The following AKAP10 variants were observed in gnomAD, a reference collection of about 807,000 sequenced individuals.
AKAP10 encodes the protein A-kinase anchoring protein 10, also known as A-kinase anchor protein 10, mitochondrial.
AKAP10 carries 24 observed loss-of-function variants against 80.8 expected under a neutral mutation model. The ratio of observed to expected loss-of-function variants is 0.30; its 90% CI spans 0.22 to 0.42. The LOEUF is 0.42. Ranked by LOEUF, AKAP10 falls within the 10% of genes least tolerant of loss-of-function variation. AKAP10 has a pLI of 1.00. For synonymous variants in AKAP10, 291 were observed against 277.7 expected (o/e 1.05, Z -0.48); for missense variants, 661 against 794.9 (o/e 0.83, Z 2.03).
At chr17:19,926,429 C>T (rs569017105) in intron 10 of AKAP10, among the ~76,000 whole-genome samples, 60 of 152,152 alleles carry the variant, frequency 3.9e-4, no homozygotes, top group African/African-American at 1.4e-3. Flanking sequence ...AAGATTTTTG[C>T]TTCTGCCACT....
intron 1 of AKAP10, among the ~76,000 whole-genome samples, chr17:19,976,347 G>A (rs554570650): frequency 5.9e-5 from 9 of 152,034 alleles, no homozygotes; most frequent in South Asian, 4.2e-4. Flanking sequence ...GCCGGGCATG[G>A]TGGGGCATGG....
chr17:19,926,820 G>A (rs1016324797), intron 10 of AKAP10, among the ~76,000 whole-genome samples: 3 of 152,182 alleles, frequency 2.0e-5, no homozygotes, highest in Admixed American at 6.5e-5. Context: ...AGACAATACT[G>A]TTAAGAAGGC....
chr17:19,950,942 G>C (rs1463599797), intron 4 of AKAP10, among the ~76,000 whole-genome samples: 3 of 150,992 alleles, frequency 2.0e-5, no homozygotes, highest in Non-Finnish European at 4.4e-5. Flanking sequence ...GATGGGAGGA[G>C]CGCCTCTGCC....
In AKAP10 at chr17:19,962,954, T is replaced by A; in HGVS notation, c.205A>T (p.Ser69Cys). 6.2e-7 allele frequency: 1 copy of A among 1,614,010 alleles called. No homozygotes were observed. The highest frequency in any genetic ancestry group is 1.1e-5 in the South Asian group (1 of 91,084). Reference protein sequence around the residue: ...NHALLEAAGPSHVAINAISAN... With the variant: ...NHALLEAAGPCHVAINAISAN... ...GAAATGGCATTGATTGCAACATGAC[T>A]TGGTCCTGCAGCCTCCAGCAAGGCA... The change falls in exon 3 of 15, where the codon AGT (serine) becomes TGT (cysteine). Residue 69 changes from serine to cysteine, a missense_variant. Transcript: ENST00000225737.
chr17:19,909,341 C>A, intron 13 of AKAP10, 65 bp from the exon 14 acceptor site: 1 of 1,368,216 alleles, frequency 7.3e-7, no homozygotes, highest in Non-Finnish European at 1.0e-6. Flanking sequence ...TGCACATACT[C>A]AGTGCTCTTA....
rs113388174 is a variant in AKAP10, at chr17:19,961,025, TAAACAAAC to T, written c.319+1807_319+1814del. Reference sequence around the variant, plus strand: ...CTGTGAGACTCCGTCTACAAATAAATAAACAAACAAACAAACAAACAAACAAACTGCCT... The same window carrying T: ...CTGTGAGACTCCGTCTACAAATAAATAAACAAACAAACAAACAAACTGCCT... On this transcript the variant is annotated intron_variant, in intron 3 of 14. Transcript: ENST00000225737. Among the ~76,000 whole-genome samples, 250 of 146,568 alleles carry T rather than the reference TAAACAAAC, an allele frequency of 1.7e-3. 1 individual carries two copies. Among genetic ancestry groups the T allele is most frequent in the Admixed American group, 4.1e-3 (60 of 14,700 alleles).
chr17:19,958,468 T>C lies in AKAP10; in HGVS notation c.423A>G (p.Gln141=), dbSNP rs201986290. ...GCTCCATTCGCCGAAGTTCCATGAA[T>C]TGAATGAAGTAAGGGAGGACAATAG... is the stretch of plus-strand genomic sequence containing the variant. The part of the protein sequence containing the change: ...HDTIVLPYFI[Q]FMELRRMEHL... Residue 141 remains glutamine, a synonymous_variant, in exon 4 of 15, where the codon CAA becomes CAG. Transcript: ENST00000225737. 3.1e-6 allele frequency: 5 copies of C among 1,614,092 alleles called. No homozygotes were observed. Among genetic ancestry groups the C allele is most frequent in the Non-Finnish European group, 4.2e-6 (5 of 1,180,036 alleles).
chr17:19,910,957 T>C (rs1328509399), intron 12 of AKAP10, among the ~76,000 whole-genome samples: 2 of 152,232 alleles, frequency 1.3e-5, no homozygotes, highest in African/African-American at 2.4e-5. Context: ...TACTTTTTTA[T>C]TTAATAATTT....
chr17:19,974,191 CA>C (rs891943960), intron 1 of AKAP10, among the ~76,000 whole-genome samples: 33 of 150,856 alleles, frequency 2.2e-4, no homozygotes, highest in South Asian at 1.7e-3. Flanking sequence ...AACTCCATCT[CA>C]AAAAAAAGAA....
intron 4 of AKAP10, among the ~76,000 whole-genome samples, chr17:19,953,597 A>T (rs2043239308): frequency 6.6e-6 from 1 of 152,194 alleles, no homozygotes; most frequent in Admixed American, 6.5e-5. Flanking sequence ...CACGCTCATA[A>T]ATTTGACAAT....
rs576259031 is a variant in AKAP10, at chr17:19,913,140, C to T, written c.1835-3162G>A. ...TTACAGGTACTCGTACCCGCCACCACGCCTGGCTAATTGTTTTTTTTTTTT... is the reference window on the plus strand; with the variant it reads ...TTACAGGTACTCGTACCCGCCACCATGCCTGGCTAATTGTTTTTTTTTTTT... On this transcript the variant is annotated intron_variant, in intron 12 of 14. Transcript: ENST00000225737. Among the ~76,000 whole-genome samples the T allele has an allele frequency of 1.3e-3, 193 of 148,782 alleles. 1 individual carries two copies. The highest frequency in any genetic ancestry group is 4.2e-3 in the African/African-American group (168 of 40,064).
chr17:19,937,361 G>C (rs1461228029), intron 8 of AKAP10, among the ~76,000 whole-genome samples: 2 of 152,064 alleles, frequency 1.3e-5, no homozygotes, highest in Non-Finnish European at 2.9e-5. Flanking sequence ...AATTAGCTGG[G>C]CGTGGTGGCC....
At chr17:19,925,143 G>A (rs1177335439) in intron 10 of AKAP10, among the ~76,000 whole-genome samples, 4 of 152,020 alleles carry the variant, frequency 2.6e-5, no homozygotes, top group Admixed American at 6.6e-5. Flanking sequence ...TGGCCTGGGC[G>A]ACAGAGGAAG....
Position 19,941,076 on chromosome 17 carries a change from T to C in AKAP10, c.1062-66A>G, listed in dbSNP as rs186308697. The stretch of plus-strand genomic sequence containing the variant: ...GGAAAGAGTTTAAGTGGGAAAAATA[T>C]ACTCTTTCCATACTGTCCCTATTGT... On this transcript the variant is annotated intron_variant, in intron 6 of 14. Transcript: ENST00000225737. 1.6e-5 allele frequency: 25 copies of C among 1,520,086 alleles called. No homozygotes were observed. The Admixed American group carries it at 1.7e-4, about 10-fold the overall frequency. 94.2% of individuals were successfully genotyped at this position (1,520,086 alleles called of 1,614,324 possible).
chr17:19,949,971 C>T (rs1394546057), intron 4 of AKAP10, among the ~76,000 whole-genome samples: 1 of 151,760 alleles, frequency 6.6e-6, no homozygotes, highest in Non-Finnish European at 1.5e-5. Context: ...CACTAAAAAG[C>T]CTACATAAAA....
intron 12 of AKAP10, among the ~76,000 whole-genome samples, chr17:19,917,515 G>A (rs1454719110): frequency 6.6e-6 from 1 of 152,112 alleles, no homozygotes; most frequent in Non-Finnish European, 1.5e-5. Flanking sequence ...CATTACCTAG[G>A]TGGAAGTGCA....
At chr17:19,947,331 TAGTC>T (rs771677346) in intron 5 of AKAP10, 72 bp downstream of exon 5, 134 of 1,123,630 alleles carry the variant, frequency 1.2e-4, no homozygotes, top group Non-Finnish European at 1.7e-4. Flanking sequence ...AAAATTATCT[TAGTC>T]AATAACGAAA....
At chr17:19,938,237 A>ATTTTTTTTT (rs71157845) in intron 8 of AKAP10, among the ~76,000 whole-genome samples, 3 of 136,106 alleles carry the variant, frequency 2.2e-5, no homozygotes, top group African/African-American at 8.3e-5. Context: ...CTGAAAACCT[A>ATTTTTTTTT]TTTTTTTTTT....
intron 1 of AKAP10, among the ~76,000 whole-genome samples, chr17:19,968,750 G>A (rs962161705): frequency 2.6e-5 from 4 of 152,054 alleles, no homozygotes; most frequent in African/African-American, 9.7e-5. Context: ...TGTGATCTTG[G>A]ACAAGTTACT....
Sources: gnomAD v4.1 joint callset for allele counts (sites outside exome capture counted in the v4.1 genomes callset) on GRCh38, gnomAD v4.1.1 for gene constraint, MANE v1.5 for transcripts, NCBI Gene and HGNC (gene_info 2026-07-23, HGNC 2026-07-21) for gene names.